Variants in TRIM37 observed in about 807,000 individuals in gnomAD.
TRIM37 encodes E3 ubiquitin-protein ligase TRIM37.
A neutral mutation model predicts 129.8 loss-of-function variants in TRIM37; 80 were observed. The ratio of observed to expected loss-of-function variants is 0.62; its 90% CI spans 0.51 to 0.74. The LOEUF (loss-of-function observed/expected upper bound fraction) is 0.74, where lower values mean the gene tolerates loss of function less well. Ranked by LOEUF, TRIM37 falls within the 30% of genes least tolerant of loss-of-function variation. The pLI is 0.00. For missense variants in TRIM37, 1,054 were observed against 1,176.5 expected (o/e 0.90, Z 1.52); for synonymous variants, 389 against 387.1 (o/e 1.00, Z -0.06).
At chr17:59,055,998 T>G (rs1374834292) in intron 13 of TRIM37, among the ~76,000 whole-genome samples, 11 of 152,192 alleles carry the variant, frequency 7.2e-5, no homozygotes, top group Non-Finnish European at 1.6e-4. Flanking sequence ...ACTTTTAATT[T>G]GCTGTTATTG....
intron 16 of TRIM37, among the ~76,000 whole-genome samples, chr17:59,047,046 C>G (rs1283263899): frequency 1.3e-5 from 2 of 151,168 alleles, no homozygotes; most frequent in Admixed American, 6.6e-5. Flanking sequence ...TCTAGCTGCT[C>G]GGGAGGCTGA....
intron 8 of TRIM37, among the ~76,000 whole-genome samples, chr17:59,073,980 G>A (rs1377276581): frequency 2.0e-5 from 3 of 151,948 alleles, no homozygotes. Context: ...AATAATGAAT[G>A]GTATGGTATA....
chr17:59,076,449 G>A (rs2042821909), intron 7 of TRIM37, among the ~76,000 whole-genome samples: 1 of 152,234 alleles, frequency 6.6e-6, no homozygotes, highest in South Asian at 2.1e-4. Flanking sequence ...GCTGAGGCAT[G>A]AGGATCACTT....
At chr17:59,010,636 G>A (rs1266011230) in intron 22 of TRIM37, among the ~76,000 whole-genome samples, 1 of 152,048 alleles carries the variant, frequency 6.6e-6, no homozygotes, top group African/African-American at 2.4e-5. Flanking sequence ...GGGATTACAG[G>A]TGTCTGCTAC....
At chr17:59,076,595 T>C (rs554546312) in intron 7 of TRIM37, among the ~76,000 whole-genome samples, 64 of 152,088 alleles carry the variant, frequency 4.2e-4, no homozygotes, top group Non-Finnish European at 8.4e-4. Flanking sequence ...ATTATCCTTA[T>C]AGAAAAGGAA....
chr17:59,072,675 G>A (rs2042477013), intron 8 of TRIM37, among the ~76,000 whole-genome samples: 1 of 151,700 alleles, frequency 6.6e-6, no homozygotes, highest in Non-Finnish European at 1.5e-5. Context: ...TTGAACCCAG[G>A]AGGCGGAGGT....
intron 16 of TRIM37, among the ~76,000 whole-genome samples, chr17:59,044,638 T>C (rs535839059): frequency 4.6e-5 from 7 of 152,304 alleles, no homozygotes; most frequent in African/African-American, 1.2e-4. Context: ...CTGTATACAA[T>C]AGAGTATAAC....
chr17:59,004,064 G>A (rs1015740464), intron 22 of TRIM37, among the ~76,000 whole-genome samples: 2 of 151,942 alleles, frequency 1.3e-5, no homozygotes, highest in African/African-American at 4.8e-5. Flanking sequence ...AGCTATGATT[G>A]TACCACTGTA....
At chr17:59,047,608 T>A in intron 16 of TRIM37, 75 bp downstream of exon 16, 1 of 1,454,574 alleles carries the variant, frequency 6.9e-7, no homozygotes, top group Non-Finnish European at 9.5e-7. Flanking sequence ...ATCCCTACAT[T>A]TAAGTGTGAG....
At chr17:59,090,098 T>G (rs1484682546) in intron 3 of TRIM37, 1 of 151,934 alleles carries the variant, frequency 6.6e-6, no homozygotes, top group Admixed American at 6.6e-5. Context: ...AGACTCTGTC[T>G]CAAAAAAATA....
At chr17:59,006,635 TC>T (rs1211726368) in intron 22 of TRIM37, among the ~76,000 whole-genome samples, 1 of 152,088 alleles carries the variant, frequency 6.6e-6, no homozygotes, top group Non-Finnish European at 1.5e-5. Context: ...ATGCCTATAA[TC>T]CCAGCACTTT....
At chr17:58,983,324 C>T (rs2031492852) in intron 24 of TRIM37, 1 of 160,478 alleles carries the variant, frequency 6.2e-6, no homozygotes, top group African/African-American at 2.4e-5. Context: ...AGTTAGGTAC[C>T]ATTTGTAAGG....
At chr17:59,027,847 C>T (rs1041454223) in intron 19 of TRIM37, among the ~76,000 whole-genome samples, 1 of 152,184 alleles carries the variant, frequency 6.6e-6, no homozygotes, top group Non-Finnish European at 1.5e-5. Context: ...TCTCTGCTTT[C>T]TTTGCCATAC....
chr17:59,042,489 G>A (rs369693026), intron 16 of TRIM37, among the ~76,000 whole-genome samples: 18 of 132,770 alleles, frequency 1.4e-4, no homozygotes, highest in East Asian at 6.4e-4. Flanking sequence ...AAGGCCGGGC[G>A]CAGTGACTCA....
At chr17:58,969,507 C>G in the TRIM37 span, 2 of 1,608,872 alleles carry the variant, frequency 1.2e-6, no homozygotes, top group Non-Finnish European at 8.5e-7. Flanking sequence ...CTATACCCAA[C>G]TCCCATAACT....
chr17:59,104,462 A>C, intron 1 of TRIM37, 68 bp from the exon 2 acceptor site: 191 of 1,323,826 alleles, frequency 1.4e-4, no homozygotes, highest in Non-Finnish European at 1.8e-4. Flanking sequence ...AGGCAAGCTC[A>C]AAACAACTTG....
intron 17 of TRIM37, among the ~76,000 whole-genome samples, 166 bp from the exon 18 acceptor site, chr17:59,032,256 T>C (rs1193171623): frequency 6.6e-6 from 1 of 152,134 alleles, no homozygotes; most frequent in Non-Finnish European, 1.5e-5. Flanking sequence ...CCGGGCGCGG[T>C]GGCTCACGCC....
chr17:58,998,817 A>G lies in TRIM37; in HGVS notation c.*560T>C. On this transcript the variant is annotated 3_prime_UTR_variant, in exon 24 of 24. Coordinates refer to ENST00000262294, the MANE Select transcript of TRIM37 (RefSeq NM_015294.6). ...GTGCCTGTACTTGAACAAGTGAGAG[A>G]AGATACATACTCCAAAAAGGAGATT... The G allele has an allele frequency of 1.0e-6, 1 of 989,758 alleles. No homozygotes were observed. 61.3% of individuals were successfully genotyped at this position (989,758 alleles called of 1,614,324 possible). A position where few individuals can be genotyped will look rare whatever the true frequency, so the allele number is the denominator to read the frequency against.
At chr17:59,042,192 C>T (rs1395285645) in intron 16 of TRIM37, among the ~76,000 whole-genome samples, 20 of 150,484 alleles carry the variant, frequency 1.3e-4, no homozygotes, top group Middle Eastern at 3.5e-3. Context: ...CTGGCTAACA[C>T]GGTGAAACCC....
Sources: allele counts gnomAD v4.1 joint callset (sites outside exome capture counted in the v4.1 genomes callset), GRCh38; gene constraint gnomAD v4.1.1; transcripts MANE v1.5; gene names NCBI Gene and HGNC (gene_info 2026-07-23, HGNC 2026-07-21).